The following ANKRD44 variants were observed in gnomAD, a reference collection of about 807,000 sequenced individuals.
ANKRD44 encodes the protein ankyrin repeat domain 44, also known as serine/threonine-protein phosphatase 6 regulatory ankyrin repeat subunit B.
In ANKRD44, 35 loss-of-function variants were observed where a neutral mutation model predicts 116.0. The observed-to-expected ratio is 0.30, with a 90% CI of 0.23 to 0.40. The LOEUF (loss-of-function observed/expected upper bound fraction) is 0.40, where lower values mean the gene tolerates loss of function less well. ANKRD44 is among the 10% of genes least tolerant of loss of function. The pLI is 1.00. For missense variants in ANKRD44, 1,014 were observed against 1,242.6 expected, an observed-to-expected ratio of 0.82 and a Z score of 2.77; for synonymous variants, 435 against 461.8, an observed-to-expected ratio of 0.94 and a Z score of 0.74.
chr2:197,058,574 T>A (rs1366196096), intron 16 of ANKRD44, among the ~76,000 whole-genome samples: 1 of 152,170 alleles, frequency 6.6e-6, no homozygotes, highest in Non-Finnish European at 1.5e-5. Flanking sequence ...CAGAGCATTA[T>A]GAGTTCACTG....
At chr2:196,990,734 G>A in intron 27 of ANKRD44, 4 of 1,232,150 alleles carry the variant, frequency 3.2e-6, no homozygotes, top group Non-Finnish European at 2.0e-6. Flanking sequence ...CCGAGCCTAC[G>A]TTGTTACTGC....
At chr2:197,051,597 C>T (rs1192412250) in intron 16 of ANKRD44, among the ~76,000 whole-genome samples, 3 of 152,128 alleles carry the variant, frequency 2.0e-5, no homozygotes, top group Admixed American at 2.0e-4. Flanking sequence ...TTGCTCTCCA[C>T]ATGTGCCTTC....
chr2:197,045,531 T>C (rs901717625), intron 16 of ANKRD44, among the ~76,000 whole-genome samples: 2 of 148,372 alleles, frequency 1.3e-5, no homozygotes, highest in African/African-American at 4.9e-5. Flanking sequence ...TTTCCACCCC[T>C]GTTATTCACT....
At chr2:197,167,404 T>C (rs1352067916) in intron 2 of ANKRD44, among the ~76,000 whole-genome samples, 1 of 152,202 alleles carries the variant, frequency 6.6e-6, no homozygotes, top group Non-Finnish European at 1.5e-5. Context: ...GCACACTTCC[T>C]AAGATGCCTA....
intron 1 of ANKRD44, among the ~76,000 whole-genome samples, chr2:197,284,926 T>C (rs979067219): frequency 4.6e-5 from 7 of 151,598 alleles, no homozygotes; most frequent in African/African-American, 1.7e-4. Context: ...TTATTCAATG[T>C]TAAGATACGA....
At chr2:197,215,020 C>A (rs573138986) in intron 1 of ANKRD44, among the ~76,000 whole-genome samples, 1 of 151,964 alleles carries the variant, frequency 6.6e-6, no homozygotes, top group African/African-American at 2.4e-5. Flanking sequence ...TGGGATTATA[C>A]GCACACCACC....
Position 197,005,698 on chromosome 2 carries a change from G to T in ANKRD44, c.2343C>A (p.Tyr781Ter). Residue 781 changes from tyrosine to a stop codon, truncating the protein, a stop_gained, in exon 21 of 28, where the codon TAC becomes TAA. Coordinates refer to ENST00000282272, the MANE Select transcript of ANKRD44 (RefSeq NM_001195144.2). LOFTEE classifies it high-confidence loss of function. ...QGYTPLHWAC[Y>*]NGNENCIEVL... is the part of the protein sequence containing the mutation. ...GTCAAATGATAAGCAACTCACCATT[G>T]TAACAAGCCCAGTGCAGCGGCGTGT... 1 of 1,614,144 alleles carries T rather than the reference G, an allele frequency of 6.2e-7. No individual in the cohort carries two copies. The highest frequency in any genetic ancestry group is 8.5e-7 in the Non-Finnish European group (1 of 1,179,998).
intron 2 of ANKRD44, among the ~76,000 whole-genome samples, chr2:197,186,612 CTTTTTTTTTTTT>C (rs149107038): frequency 0.01 from 514 of 50,774 alleles, 4 homozygotes; most frequent in South Asian, 0.035. Flanking sequence ...GCTAATTTTT[CTTTTTTTTTTTT>C]TTTTTTTTTT....
intron 1 of ANKRD44, chr2:197,251,045 A>C (rs1399552735): frequency 6.6e-6 from 1 of 152,200 alleles, no homozygotes; most frequent in Non-Finnish European, 1.5e-5. Flanking sequence ...TTCTTTTAAA[A>C]TGTATTTTAT....
intron 1 of ANKRD44, among the ~76,000 whole-genome samples, chr2:197,267,727 G>A (rs4850776): frequency 0.33 from 49,983 of 152,112 alleles, 10,164 homozygotes; most frequent in East Asian, 0.63. Flanking sequence ...CTGTTTCAAT[G>A]CTAGAGTAGG....
downstream of ANKRD44, among the ~76,000 whole-genome samples, chr2:196,984,926 T>C (rs571418846): frequency 1.3e-5 from 2 of 152,336 alleles, no homozygotes; most frequent in Admixed American, 6.5e-5. Context: ...CCCTTGAGTA[T>C]AGATTGGACT....
exon 22 of ANKRD44, chr2:196,967,253 G>A (rs1190398753): frequency 3.7e-6 from 1 of 271,650 alleles, no homozygotes; most frequent in South Asian, 3.8e-5. Flanking sequence ...GAAAATAAAG[G>A]GTGCGTGCTT....
intron 21 of ANKRD44, among the ~76,000 whole-genome samples, chr2:196,979,941 G>C (rs919841648): frequency 6.6e-6 from 1 of 152,078 alleles, no homozygotes; most frequent in Non-Finnish European, 1.5e-5. Context: ...ACTGTCCCCT[G>C]CTCCACACCA....
intron 11 of ANKRD44, among the ~76,000 whole-genome samples, chr2:197,089,090 A>T (rs1161883945): frequency 6.6e-6 from 1 of 152,242 alleles, no homozygotes; most frequent in Non-Finnish European, 1.5e-5. Flanking sequence ...CGACAGGCAG[A>T]TAGAACTCAT....
At chr2:196,993,541 T>C in intron 27 of ANKRD44, 42 bp downstream of exon 27, 1 of 1,474,708 alleles carries the variant, frequency 6.8e-7, no homozygotes. Flanking sequence ...TCAACTAGCT[T>C]ATGGAAGGTA....
rs1424251040 is a variant in ANKRD44, at chr2:196,987,819, C to G, written c.*1772G>C. ...TAACACAAATAAAAGCACTAAGCAA[C>G]TAAGACTCAGTTAAAAACACATTTT... On this transcript the variant is annotated 3_prime_UTR_variant, in exon 28 of 28. Transcript: ENST00000282272. The G allele has an allele frequency of 1.0e-6, 1 of 984,754 alleles. No individual in the cohort carries two copies. Among genetic ancestry groups the G allele is most frequent in the African/African-American group, 1.8e-5 (1 of 57,078 alleles). The allele number at this position is 984,754 out of a possible 1,614,324, so 61.0% of individuals were successfully genotyped here.
intron 8 of ANKRD44, among the ~76,000 whole-genome samples, chr2:197,120,479 A>G (rs950999667): frequency 3.9e-5 from 6 of 152,044 alleles, no homozygotes; most frequent in African/African-American, 1.4e-4. Flanking sequence ...GTGAAACACC[A>G]TCTCTACTAA....
intron 15 of ANKRD44, among the ~76,000 whole-genome samples, chr2:197,079,497 G>C (rs1056384272): frequency 6.6e-6 from 1 of 152,234 alleles, no homozygotes; most frequent in African/African-American, 2.4e-5. Context: ...AATGCTTAGA[G>C]GAAGGAGCAC....
intron 8 of ANKRD44, among the ~76,000 whole-genome samples, chr2:197,111,856 C>T (rs1036403585): frequency 1.3e-5 from 2 of 152,038 alleles, no homozygotes; most frequent in Admixed American, 6.5e-5. Flanking sequence ...CATTAGAAGT[C>T]ACAGGACTAA....
Sources: allele counts gnomAD v4.1 joint callset (sites outside exome capture counted in the v4.1 genomes callset), GRCh38; gene constraint gnomAD v4.1.1; transcripts MANE v1.5; gene names NCBI Gene and HGNC (gene_info 2026-07-23, HGNC 2026-07-21).